Variants in NRG3 observed in about 807,000 individuals in gnomAD.
The protein encoded by NRG3 is pro-neuregulin-3, membrane-bound isoform.
Under a neutral mutation model 66.9 loss-of-function variants are expected in NRG3, and 31 were observed. The ratio of observed to expected loss-of-function variants is 0.46; its 90% CI spans 0.35 to 0.63. The LOEUF is 0.63. Among genes scored for constraint, NRG3 ranks in the 20% least tolerant of loss-of-function variants. The probability of loss-of-function intolerance (pLI) is 0.00; values close to 1 mark genes in which losing one functional copy is unlikely to be tolerated. For missense variants in NRG3, 910 were observed against 878.9 expected, an observed-to-expected ratio of 1.04 and a Z score of -0.45; for synonymous variants, 393 against 359.4, an observed-to-expected ratio of 1.09 and a Z score of -1.06.
chr10:82,341,588 T>A (rs117613184), intron 1 of NRG3, among the ~76,000 whole-genome samples: 291 of 152,248 alleles, frequency 1.9e-3, no homozygotes, highest in Non-Finnish European at 2.9e-3. Context: ...TTTATTTATT[T>A]TATATGTATA....
intron 5 of NRG3, among the ~76,000 whole-genome samples, chr10:82,952,319 C>T (rs1849597888): frequency 6.6e-6 from 1 of 151,774 alleles, no homozygotes; most frequent in African/African-American, 2.4e-5. Context: ...TGTAGTCCCA[C>T]CTACTTGGGA....
At position 82,985,880 on chromosome 10, in the gene NRG3, G is replaced by T. The variant is rs891976216; in HGVS notation, c.*275G>T. 1.2e-5 allele frequency: 4 copies of T among 322,030 alleles called. No individual in the cohort carries two copies. The highest frequency in any genetic ancestry group is 2.3e-5 in the Non-Finnish European group (4 of 176,010). 19.9% of individuals were successfully genotyped at this position (322,030 alleles called of 1,614,324 possible). ...CTGTCCTCTTTGGCTCTTAGAAGAT[G>T]TGGGCAATTCAGACCCTTGGCCCCA... On this transcript the variant is annotated 3_prime_UTR_variant, in exon 9 of 9. Transcript: ENST00000372141.
At chr10:82,773,422 T>C (rs1260719026) in intron 3 of NRG3, among the ~76,000 whole-genome samples, 2 of 152,180 alleles carry the variant, frequency 1.3e-5, no homozygotes, top group African/African-American at 2.4e-5. Flanking sequence ...GTCCCTTTTT[T>C]CCTTGGGTCA....
At chr10:82,889,582 T>C (rs537344632) in intron 4 of NRG3, among the ~76,000 whole-genome samples, 45 of 152,296 alleles carry the variant, frequency 3.0e-4, no homozygotes. Context: ...GTTAGAATGG[T>C]CTAGATTTAA....
chr10:82,764,697 AAAG>A (rs1460435285), intron 3 of NRG3, among the ~76,000 whole-genome samples: 1 of 152,182 alleles, frequency 6.6e-6, no homozygotes, highest in African/African-American at 2.4e-5. Flanking sequence ...AATTTTTAAA[AAAG>A]ATAATATGAT....
intron 1 of NRG3, among the ~76,000 whole-genome samples, chr10:81,879,373 G>T (rs1841981026): frequency 6.6e-6 from 1 of 152,216 alleles, no homozygotes; most frequent in East Asian, 1.9e-4. Flanking sequence ...TGTACAATCA[G>T]CCTTTCCCTT....
intron 2 of NRG3, among the ~76,000 whole-genome samples, chr10:82,698,535 G>A (rs893812011): frequency 6.6e-6 from 1 of 152,124 alleles, no homozygotes; most frequent in East Asian, 1.9e-4. Context: ...ATTGATCTAC[G>A]TAAGCCCTAT....
intron 2 of NRG3, among the ~76,000 whole-genome samples, chr10:82,625,473 A>G (rs945070434): frequency 1.3e-5 from 2 of 152,152 alleles, no homozygotes; most frequent in Admixed American, 6.6e-5. Flanking sequence ...GGTTAAAACT[A>G]TTTGTGTAAA....
At chr10:82,260,203 T>C (rs1317365318) in intron 1 of NRG3, among the ~76,000 whole-genome samples, 1 of 152,178 alleles carries the variant, frequency 6.6e-6, no homozygotes, top group Non-Finnish European at 1.5e-5. Context: ...GTGTATCTCC[T>C]AAAGAAATTA....
intron 1 of NRG3, among the ~76,000 whole-genome samples, chr10:82,216,562 GTATA>G (rs767798133): frequency 7.3e-6 from 1 of 137,218 alleles, no homozygotes; most frequent in Non-Finnish European, 1.6e-5. Flanking sequence ...ACATATGTAT[GTATA>G]TATCTGGGTG....
At chr10:82,622,580 G>A (rs1195525638) in intron 2 of NRG3, among the ~76,000 whole-genome samples, 1 of 152,104 alleles carries the variant, frequency 6.6e-6, no homozygotes, top group Non-Finnish European at 1.5e-5. Flanking sequence ...ACATTCAGTG[G>A]AAACCATACT....
chr10:82,014,568 C>T (rs1385931752), intron 1 of NRG3, among the ~76,000 whole-genome samples: 2 of 152,176 alleles, frequency 1.3e-5, no homozygotes, highest in African/African-American at 4.8e-5. Context: ...CTATGGATCA[C>T]AGAGAATTAT....
chr10:82,150,528 C>CAAAAAAAAAAAAAAAAAAAAAAAAATAAA (rs1264827514), intron 1 of NRG3, among the ~76,000 whole-genome samples: 1 of 51,738 alleles, frequency 1.9e-5, no homozygotes, highest in Non-Finnish European at 3.6e-5. Flanking sequence ...AAAGAGCACA[C>CAAAAAAAAAAAAAAAAAAAAAAAAATAAA]ACAAAAAAAA....
chr10:82,005,611 C>T (rs2061347887), intron 1 of NRG3, among the ~76,000 whole-genome samples: 5 of 152,090 alleles, frequency 3.3e-5, no homozygotes, highest in Admixed American at 3.3e-4. Context: ...GTGAATGATA[C>T]CAGTAAAGTT....
At chr10:82,817,420 G>A (rs1000410266) in intron 3 of NRG3, among the ~76,000 whole-genome samples, 26 of 152,218 alleles carry the variant, frequency 1.7e-4, no homozygotes, top group Admixed American at 3.9e-4. Flanking sequence ...TGCAAATTGC[G>A]ATTTCATATA....
At chr10:82,827,106 C>T (rs1460295648) in intron 3 of NRG3, 1 of 328,090 alleles carries the variant, frequency 3.0e-6, no homozygotes, top group Non-Finnish European at 5.8e-6. Flanking sequence ...AAAAATAACT[C>T]TTGATATTGA....
chr10:82,966,672 A>G (rs1312800761), intron 6 of NRG3, among the ~76,000 whole-genome samples: 4 of 152,152 alleles, frequency 2.6e-5, no homozygotes, highest in Non-Finnish European at 5.9e-5. Context: ...ATGGTTAAGT[A>G]TCTACATAAG....
intron 2 of NRG3, among the ~76,000 whole-genome samples, chr10:82,597,689 G>A (rs775744367): frequency 2.0e-5 from 3 of 152,110 alleles, no homozygotes; most frequent in Non-Finnish European, 4.4e-5. Context: ...TTGGGAGGCC[G>A]AGGCGGGTGG....
intron 1 of NRG3, among the ~76,000 whole-genome samples, chr10:82,128,372 A>G (rs1249923213): frequency 1.3e-5 from 2 of 152,082 alleles, no homozygotes; most frequent in Non-Finnish European, 2.9e-5. Context: ...AAATTGTGTC[A>G]TGAATATGGA....
Sources: gnomAD v4.1 joint callset for allele counts (sites outside exome capture counted in the v4.1 genomes callset) on GRCh38, gnomAD v4.1.1 for gene constraint, MANE v1.5 for transcripts, NCBI Gene and HGNC (gene_info 2026-07-23, HGNC 2026-07-21) for gene names.